SGF29: variants seen among roughly 807,000 people sequenced by gnomAD.
SGF29 encodes the protein SAGA-associated factor 29.
SGF29 carries 15 observed loss-of-function variants against 38.1 expected under a neutral mutation model. That is an observed-to-expected ratio of 0.39 (90% CI 0.26 to 0.61). SGF29 has a LOEUF of 0.61. Ranked by LOEUF, SGF29 falls within the 20% of genes least tolerant of loss-of-function variation. The pLI is 0.49. For missense variants in SGF29, 184 were observed against 394.6 expected, an observed-to-expected ratio of 0.47 and a Z score of 4.52; for synonymous variants, 151 against 160.8, an observed-to-expected ratio of 0.94 and a Z score of 0.46.
At chr16:28,582,307 T>G (rs1162422116) in intron 2 of SGF29, among the ~76,000 whole-genome samples, 3 of 151,680 alleles carry the variant, frequency 2.0e-5, no homozygotes, top group Admixed American at 1.3e-4. Context: ...TTGGGAGAGA[T>G]AGGATGAAAG....
At chr16:28,584,678 A>G (rs890420894) in intron 2 of SGF29, among the ~76,000 whole-genome samples, 4 of 151,204 alleles carry the variant, frequency 2.6e-5, no homozygotes, top group Non-Finnish European at 5.9e-5. Context: ...AGTCCCAGCT[A>G]CTCGGGAGGC....
At chr16:28,554,937 T>C (rs2151639349) in intron 1 of SGF29, among the ~76,000 whole-genome samples, 1 of 152,336 alleles carries the variant, frequency 6.6e-6, no homozygotes, top group African/African-American at 2.4e-5. Flanking sequence ...AACGTTCTCT[T>C]CCTTTGCCTC....
rs555813870 is a variant in SGF29 at position 28,586,461 on chromosome 16, C to T, written c.224+741C>T. Among the ~76,000 whole-genome samples, 12 of 150,228 alleles carry T rather than the reference C, an allele frequency of 8.0e-5. No homozygotes were observed. The South Asian group carries it at 1.1e-3, about 13-fold the overall frequency. The stretch of plus-strand genomic sequence containing the variant: ...GGCGGAGGTTGCAGTGAGCTAAGAT[C>T]GTGCCACTGCACTCCAGCCTGGGCA... On this transcript the variant is annotated intron_variant, in intron 4 of 9. Transcript: ENST00000317058.
intron 1 of SGF29, among the ~76,000 whole-genome samples, chr16:28,573,605 C>T (rs1195603159): frequency 2.6e-5 from 4 of 152,152 alleles, no homozygotes; most frequent in African/African-American, 9.7e-5. Flanking sequence ...CATGCTTGTT[C>T]ACTGGTAGAG....
intron 1 of SGF29, among the ~76,000 whole-genome samples, chr16:28,564,737 GTATATA>G (rs1555474919): frequency 4.4e-4 from 5 of 11,340 alleles, no homozygotes; most frequent in Non-Finnish European, 1.0e-3. Context: ...ACATATATAT[GTATATA>G]TGTATATATA....
At chr16:28,561,342 G>A (rs935813587) in intron 1 of SGF29, among the ~76,000 whole-genome samples, 6 of 152,182 alleles carry the variant, frequency 3.9e-5, no homozygotes, top group African/African-American at 1.4e-4. Context: ...AGACCAGCCT[G>A]GCCAACATGG....
intron 1 of SGF29, among the ~76,000 whole-genome samples, chr16:28,578,871 T>C (rs1179620678): frequency 6.6e-6 from 1 of 151,920 alleles, no homozygotes; most frequent in Admixed American, 6.6e-5. Flanking sequence ...GAACCCAGGA[T>C]GCCGAGGTTG....
At chr16:28,569,412 C>T (rs2046851941) in intron 1 of SGF29, among the ~76,000 whole-genome samples, 1 of 152,148 alleles carries the variant, frequency 6.6e-6, no homozygotes, top group Non-Finnish European at 1.5e-5. Context: ...GTAATCCTAG[C>T]ACTTTAGGAG....
chr16:28,564,562 TATAC>T lies in SGF29; in HGVS notation c.-16+10466_-16+10469del, dbSNP rs1322380437. Among the ~76,000 whole-genome samples the T allele has an allele frequency of 4.0e-3, 542 of 134,182 alleles. 4 individuals carry two copies. The highest frequency in any genetic ancestry group is 7.1e-3 in the Non-Finnish European group (452 of 63,426). 88.0% of individuals were successfully genotyped at this position (134,182 alleles called of 152,430 possible). A position where few individuals can be genotyped will look rare whatever the true frequency, so the allele number is the denominator to read the frequency against. On this transcript the variant is annotated intron_variant, in intron 1 of 9. Transcript: ENST00000317058. ...ATGTATATATATACGTATATATATATATACGTATATATATACACGTATATATATA... is the reference window on the plus strand; with the variant it reads ...ATGTATATATATACGTATATATATATGTATATATATACACGTATATATATA...
At chr16:28,556,993 A>AG (rs1253334838) in intron 1 of SGF29, among the ~76,000 whole-genome samples, 2 of 152,070 alleles carry the variant, frequency 1.3e-5, no homozygotes, top group Non-Finnish European at 2.9e-5. Context: ...GTGGGATGTG[A>AG]GTGTGGGGTA....
intron 1 of SGF29, among the ~76,000 whole-genome samples, chr16:28,555,246 C>G (rs975028256): frequency 1.3e-5 from 2 of 151,972 alleles, no homozygotes; most frequent in Admixed American, 1.3e-4. Context: ...GGCAGACTGC[C>G]TGAGCTCAGG....
At chr16:28,575,997 CAG>C (rs769462399) in intron 1 of SGF29, among the ~76,000 whole-genome samples, 2 of 152,058 alleles carry the variant, frequency 1.3e-5, no homozygotes, top group Admixed American at 6.6e-5. Flanking sequence ...ATAAAAATGA[CAG>C]AGAGAGACAA....
At chr16:28,583,751 C>G in intron 2 of SGF29, among the ~76,000 whole-genome samples, 1 of 152,148 alleles carries the variant, frequency 6.6e-6, no homozygotes, top group East Asian at 1.9e-4. Flanking sequence ...TTCTGTTGAT[C>G]TATATGCCAG....
intron 1 of SGF29, among the ~76,000 whole-genome samples, chr16:28,564,807 A>AC: frequency 7.1e-6 from 1 of 141,264 alleles, no homozygotes; most frequent in Admixed American, 7.6e-5. Flanking sequence ...ACACACACAC[A>AC]AACACACACA....
chr16:28,580,432 G>A lies in SGF29; in HGVS notation c.-15-623G>A, dbSNP rs943999388. ...ATTGTTGCTTCTTGGAGGCTTAGAC[G>A]GGGCCGTTACTCCGCGCATCTCTCC... On this transcript the variant is annotated intron_variant, in intron 1 of 9. Transcript: ENST00000317058. 6.6e-5 allele frequency among the ~76,000 whole-genome samples: 10 copies of A among 152,118 alleles called. 1 individual carries two copies. The highest frequency in any genetic ancestry group is 1.3e-4 in the Non-Finnish European group (9 of 68,014).
intron 4 of SGF29, among the ~76,000 whole-genome samples, chr16:28,586,332 G>A (rs533722067): frequency 1.3e-5 from 2 of 151,552 alleles, no homozygotes; most frequent in South Asian, 2.1e-4. Flanking sequence ...TGAGGTTGGG[G>A]GTTTGAGACC....
chr16:28,568,662 G>C (rs908027374), intron 1 of SGF29, among the ~76,000 whole-genome samples: 4 of 152,012 alleles, frequency 2.6e-5, no homozygotes, highest in Non-Finnish European at 5.9e-5. Context: ...CGCCTGTAAT[G>C]CCAGCACTTT....
In SGF29 at chr16:28,584,910, C is replaced by T; in HGVS notation, c.76-3C>T. On this transcript the variant is annotated splice_polypyrimidine_tract_variant and splice_region_variant and intron_variant, in intron 2 of 9. Transcript: ENST00000317058. ...TCATGTCCTGCTGCTCTTTTCCTTA[C>T]AGGAAGAGCGTTCGCGGAGCGAACA... The T allele has an allele frequency of 6.2e-7, 1 of 1,611,714 alleles. No individual in the cohort carries two copies.
chr16:28,559,313 C>G (rs2046771618), intron 1 of SGF29, among the ~76,000 whole-genome samples: 1 of 152,092 alleles, frequency 6.6e-6, no homozygotes, highest in Non-Finnish European at 1.5e-5. Context: ...AGAGTGAGAC[C>G]CTGTCTCAAA....
Sources: gnomAD v4.1 joint callset for allele counts (sites outside exome capture counted in the v4.1 genomes callset) on GRCh38, gnomAD v4.1.1 for gene constraint, MANE v1.5 for transcripts, NCBI Gene and HGNC (gene_info 2026-07-23, HGNC 2026-07-21) for gene names.